KLHL8: variants seen among roughly 807,000 people sequenced by gnomAD.
KLHL8 encodes the protein kelch like family member 8.
KLHL8 carries 38 observed loss-of-function variants against 63.5 expected under a neutral mutation model. The ratio of observed to expected loss-of-function variants is 0.60; its 90% CI spans 0.46 to 0.78. KLHL8 has a LOEUF of 0.78. Among genes scored for constraint, KLHL8 ranks in the 30% least tolerant of loss-of-function variants. KLHL8 has a pLI of 0.00. For synonymous variants in KLHL8, 224 were observed against 254.3 expected, an observed-to-expected ratio of 0.88 and a Z score of 1.13; for missense variants, 566 against 752.4, an observed-to-expected ratio of 0.75 and a Z score of 2.90.
chr4:87,193,242 C>T (rs1045203049), intron 2 of KLHL8, among the ~76,000 whole-genome samples: 2 of 152,068 alleles, frequency 1.3e-5, no homozygotes, highest in African/African-American at 4.8e-5. Flanking sequence ...AAACTTTTTT[C>T]TACTTAAAAT....
chr4:87,170,467 C>G lies in KLHL8; in HGVS notation c.1357G>C (p.Val453Leu). 3 of 1,605,428 alleles carry G rather than the reference C, an allele frequency of 1.9e-6. No homozygotes were observed. Among genetic ancestry groups the G allele is most frequent in the Non-Finnish European group, 1.7e-6 (2 of 1,177,838 alleles). The change falls in exon 7 of 10, where the codon GTT becomes CTT. Residue 453 changes from valine (V) to leucine (L), a missense_variant. Val to Leu is a conservative substitution (Grantham distance 32, BLOSUM62 1). Coordinates refer to ENST00000273963, the MANE Select transcript of KLHL8 (RefSeq NM_020803.5). ...VAPMNTPRGG[V>L]GSVALVNHVY... ...CTTACTACTAGAGCAACAGAGCCAA[C>G]TCCTCCACGGGGAGTATTCATTGGT...
At chr4:87,208,886 C>A (rs1732272871) in intron 1 of KLHL8, among the ~76,000 whole-genome samples, 1 of 152,206 alleles carries the variant, frequency 6.6e-6, no homozygotes, top group South Asian at 2.1e-4. Flanking sequence ...AATAAATATT[C>A]ACTTTTATAA....
At chr4:87,178,654 T>C (rs773453384) in intron 4 of KLHL8, 34 bp from the exon 5 acceptor site, 2 of 1,481,904 alleles carry the variant, frequency 1.3e-6, no homozygotes, top group Non-Finnish European at 1.8e-6. Context: ...AGATAAATCA[T>C]AGCTGCCAAG....
intron 1 of KLHL8, among the ~76,000 whole-genome samples, chr4:87,218,465 C>T (rs962695323): frequency 1.3e-4 from 20 of 152,110 alleles, no homozygotes; most frequent in Non-Finnish European, 2.4e-4. Context: ...GATCCGCCCG[C>T]CTCGGCCTCC....
At chr4:87,221,840 G>T (rs139464330), upstream of KLHL8, among the ~76,000 whole-genome samples, 50 of 152,014 alleles carry the variant, frequency 3.3e-4, no homozygotes, top group African/African-American at 1.1e-3. Context: ...TTAGTATTTT[G>T]CACATTTAAT....
intron 2 of KLHL8, among the ~76,000 whole-genome samples, chr4:87,188,178 G>A (rs966382404): frequency 8.5e-5 from 13 of 152,124 alleles, no homozygotes; most frequent in East Asian, 1.9e-4. Flanking sequence ...TCAAATTCAC[G>A]TCAGCTCTAA....
At chr4:87,193,298 A>T (rs1275150718) in intron 2 of KLHL8, among the ~76,000 whole-genome samples, 1 of 152,206 alleles carries the variant, frequency 6.6e-6, no homozygotes, top group Non-Finnish European at 1.5e-5. Context: ...ACTAAGACAC[A>T]AACTCAGACA....
chr4:87,222,512 G>A (rs1732896089), upstream of KLHL8, among the ~76,000 whole-genome samples: 1 of 151,908 alleles, frequency 6.6e-6, no homozygotes, highest in African/African-American at 2.4e-5. Flanking sequence ...ACCTTCCAAG[G>A]GAAAAGGGAA....
intron 1 of KLHL8, among the ~76,000 whole-genome samples, chr4:87,215,556 G>C (rs1342346336): frequency 6.6e-6 from 1 of 152,182 alleles, no homozygotes; most frequent in Non-Finnish European, 1.5e-5. Flanking sequence ...AGTTTGTTTA[G>C]CATCACTTGA....
upstream of KLHL8, among the ~76,000 whole-genome samples, chr4:87,224,230 A>G (rs1296246902): frequency 6.6e-6 from 1 of 152,100 alleles, no homozygotes; most frequent in East Asian, 1.9e-4. Flanking sequence ...GATTACAAGC[A>G]TGAGCCACCG....
chr4:87,179,415 C>T (rs965682163), intron 4 of KLHL8, among the ~76,000 whole-genome samples: 1 of 152,144 alleles, frequency 6.6e-6, no homozygotes, highest in African/African-American at 2.4e-5. Context: ...CTTTTGATAG[C>T]CTTCCATTAC....
At chr4:87,177,668 G>A (rs993883306) in intron 5 of KLHL8, among the ~76,000 whole-genome samples, 1 of 152,006 alleles carries the variant, frequency 6.6e-6, no homozygotes, top group Non-Finnish European at 1.5e-5. Context: ...GTGCAGTGGC[G>A]TTATGACTGC....
intron 6 of KLHL8, among the ~76,000 whole-genome samples, chr4:87,171,587 G>A (rs763745534): frequency 2.6e-5 from 4 of 152,310 alleles, no homozygotes; most frequent in South Asian, 2.1e-4. Flanking sequence ...ACAAGTACAT[G>A]TGTTCTCTAG....
intron 2 of KLHL8, among the ~76,000 whole-genome samples, chr4:87,186,359 T>C (rs1731253976): frequency 6.6e-6 from 1 of 152,104 alleles, no homozygotes; most frequent in Non-Finnish European, 1.5e-5. Flanking sequence ...CTTTTATATA[T>C]GTATCTGTAA....
intron 1 of KLHL8, among the ~76,000 whole-genome samples, chr4:87,229,489 C>G (rs1733098378): frequency 1.4e-5 from 2 of 147,568 alleles, no homozygotes; most frequent in Non-Finnish European, 3.0e-5. Context: ...GGCTGGAGTA[C>G]AGTGGTGCGA....
At chr4:87,164,869 C>T (rs892837006) in intron 8 of KLHL8, among the ~76,000 whole-genome samples, 2 of 152,048 alleles carry the variant, frequency 1.3e-5, no homozygotes, top group Non-Finnish European at 2.9e-5. Flanking sequence ...AGGTCAGAGG[C>T]CGGGCGCGGT....
chr4:87,184,537 GA>G (rs1318847717), intron 3 of KLHL8, among the ~76,000 whole-genome samples: 1 of 151,478 alleles, frequency 6.6e-6, no homozygotes, highest in Admixed American at 6.6e-5. Context: ...ATTTAATTTA[GA>G]AAAAATAAGT....
intron 1 of KLHL8, among the ~76,000 whole-genome samples, chr4:87,200,597 T>C (rs1263904074): frequency 6.6e-6 from 1 of 152,116 alleles, no homozygotes; most frequent in Non-Finnish European, 1.5e-5. Flanking sequence ...ATCAAAATCA[T>C]GAGATATCAC....
intron 1 of KLHL8, among the ~76,000 whole-genome samples, chr4:87,211,655 A>T (rs972484513): frequency 2.0e-5 from 3 of 152,160 alleles, no homozygotes; most frequent in African/African-American, 4.8e-5. Context: ...AGCCAGGCAT[A>T]GTGGCACATG....
Sources: gnomAD v4.1 joint callset for allele counts (sites outside exome capture counted in the v4.1 genomes callset) on GRCh38, gnomAD v4.1.1 for gene constraint, MANE v1.5 for transcripts, NCBI Gene and HGNC (gene_info 2026-07-23, HGNC 2026-07-21) for gene names.